The following CELF2 variants were observed in gnomAD, a reference collection of about 807,000 sequenced individuals.
CELF2 encodes CUGBP Elav-like family member 2, also known as CUG triplet repeat RNA-binding protein 2.
In CELF2, 8 loss-of-function variants were observed where a neutral mutation model predicts 62.6. The ratio of observed to expected loss-of-function variants is 0.13; its 90% CI spans 0.07 to 0.23. The LOEUF (loss-of-function observed/expected upper bound fraction) is 0.23, where lower values mean the gene tolerates loss of function less well. Ranked by LOEUF, CELF2 falls within the 10% of genes least tolerant of loss-of-function variation. The pLI is 1.00. For missense variants in CELF2, 333 were observed against 671.0 expected (o/e 0.50, Z 5.56); for synonymous variants, 258 against 250.0 (o/e 1.03, Z -0.30).
chr10:10,649,677 G>A, the CELF2 span, among the ~76,000 whole-genome samples: 1 of 152,170 alleles, frequency 6.6e-6, no homozygotes, highest in Non-Finnish European at 1.5e-5. Flanking sequence ...ATTCCCTCAT[G>A]CATCTAGAAG....
chr10:10,633,797 A>AT, the CELF2 span, among the ~76,000 whole-genome samples: 6 of 151,842 alleles, frequency 4.0e-5, no homozygotes, highest in Admixed American at 1.3e-4. Context: ...GTACTGATAT[A>AT]TTTTTTGTGA....
At chr10:10,596,266 A>T in the CELF2 span, among the ~76,000 whole-genome samples, 1 of 152,216 alleles carries the variant, frequency 6.6e-6, no homozygotes, top group South Asian at 2.1e-4. Flanking sequence ...TAAAAAAAAA[A>T]AAAAATAGCA....
At chr10:10,707,761 TGCGTGCCTGAGATCC>T in the CELF2 span, among the ~76,000 whole-genome samples, 1 of 152,174 alleles carries the variant, frequency 6.6e-6, no homozygotes, top group African/African-American at 2.4e-5. Context: ...TAACAGGCAT[TGCGTGCCTGAGATCC>T]TATAAACTAT....
At chr10:10,675,969 T>C in the CELF2 span, among the ~76,000 whole-genome samples, 1 of 152,256 alleles carries the variant, frequency 6.6e-6, no homozygotes, top group African/African-American at 2.4e-5. Flanking sequence ...TAATGCTTGC[T>C]GTATCTCTTC....
rs1237927879 is a variant in CELF2 at position 11,302,342 on chromosome 10, G to A, written c.977-11797G>A. On this transcript the variant is annotated intron_variant, in intron 9 of 12. Coordinates refer to ENST00000633077, the MANE Select transcript of CELF2 (RefSeq NM_001326342.2). The surrounding 1 kb of genome is among the most constrained non-coding windows in gnomAD (Gnocchi z 5.0). ...TCTAATGTTTGCATGCAAAAGCAGC[G>A]CCGAGGGCTGGTTCAACTCAGATGC... Among the ~76,000 whole-genome samples, 1 of 152,180 alleles carries A rather than the reference G, an allele frequency of 6.6e-6. No individual in the cohort carries two copies. The highest frequency in any genetic ancestry group is 2.4e-5 in the African/African-American group (1 of 41,444).
upstream of CELF2, chr10:11,005,200 T>A: frequency 6.9e-7 from 1 of 1,453,620 alleles, no homozygotes; most frequent in Non-Finnish European, 9.0e-7. This position sits in a 1 kb window ranked among gnomAD's most constrained non-coding sequence, Gnocchi z 4.3. Flanking sequence ...AGGAGCCCCC[T>A]TGCTCTACTA....
chr10:11,168,370 G>T (rs1238423228), intron 2 of CELF2, among the ~76,000 whole-genome samples: 1 of 152,220 alleles, frequency 6.6e-6, no homozygotes, highest in Non-Finnish European at 1.5e-5. Flanking sequence ...TATTTGTTGT[G>T]ATGGGATTTG....
intron 1 of CELF2, among the ~76,000 whole-genome samples, chr10:11,121,277 C>G (rs2057687853): frequency 6.6e-6 from 1 of 152,154 alleles, no homozygotes; most frequent in African/African-American, 2.4e-5. Flanking sequence ...GCTAGCCAGT[C>G]TCTGTGGGCT....
chr10:11,119,196 C>T (rs116163092), intron 1 of CELF2, among the ~76,000 whole-genome samples: 8,442 of 152,136 alleles, frequency 0.055, 268 homozygotes, highest in Middle Eastern at 0.065. Flanking sequence ...CATTTTTTTT[C>T]CCCTTAAACT....
chr10:10,507,143 C>T, the CELF2 span, among the ~76,000 whole-genome samples: 4 of 152,122 alleles, frequency 2.6e-5, no homozygotes, highest in Non-Finnish European at 2.9e-5. Context: ...TTCAATGTAA[C>T]GTTGACATGA....
chr10:11,165,564 C>T lies in CELF2; in HGVS notation c.153C>T (p.Val51=), dbSNP rs780416243. The change falls in exon 2 of 13, where the codon GTC becomes GTT. Residue 51 remains valine (V), a synonymous_variant. Coordinates refer to ENST00000633077, the MANE Select transcript of CELF2 (RefSeq NM_001326342.2). The surrounding 1 kb of genome is among the most constrained non-coding windows in gnomAD (Gnocchi z 7.4). The part of the protein sequence containing the change: ...QPDPDAIKMF[V]GQIPRSWSEK... ...ACCCAGATGCCATTAAGATGTTTGTCGGACAGATCCCCCGGTCATGGTCGG... is the reference window on the plus strand; with the variant it reads ...ACCCAGATGCCATTAAGATGTTTGTTGGACAGATCCCCCGGTCATGGTCGG... 5.1e-5 allele frequency: 83 copies of T among 1,614,086 alleles called. No individual in the cohort carries two copies. The highest frequency in any genetic ancestry group is 6.5e-5 in the Non-Finnish European group (77 of 1,180,056).
the CELF2 span, among the ~76,000 whole-genome samples, chr10:10,767,990 C>T: frequency 4.3e-5 from 4 of 93,866 alleles, no homozygotes; most frequent in Non-Finnish European, 8.1e-5. Context: ...AGCGAGACTC[C>T]GTCTCAAAAA....
chr10:10,826,963 T>G (rs1045337790), intron 1 of CELF2, among the ~76,000 whole-genome samples: 1 of 152,150 alleles, frequency 6.6e-6, no homozygotes, highest in African/African-American at 2.4e-5. Context: ...GGGAATAAAA[T>G]GCAGTGTTGT....
At chr10:10,580,556 C>T in the CELF2 span, among the ~76,000 whole-genome samples, 1 of 152,156 alleles carries the variant, frequency 6.6e-6, no homozygotes, top group African/African-American at 2.4e-5. Context: ...TGACCTTCGG[C>T]AAGCTCCTTC....
At chr10:10,976,690 T>G (rs576637857) in intron 2 of CELF2, among the ~76,000 whole-genome samples, 144 of 152,286 alleles carry the variant, frequency 9.5e-4, no homozygotes, top group Non-Finnish European at 1.6e-3. Context: ...GCTTATAAAG[T>G]ATTGATGATC....
chr10:11,001,414 A>T (rs971694365), upstream of CELF2, among the ~76,000 whole-genome samples: 3 of 152,220 alleles, frequency 2.0e-5, no homozygotes, highest in Non-Finnish European at 4.4e-5. Context: ...ACTTTCTATT[A>T]CTTTTGCAAT....
chr10:10,727,616 A>T, the CELF2 span, among the ~76,000 whole-genome samples: 3 of 152,006 alleles, frequency 2.0e-5, no homozygotes, highest in Non-Finnish European at 2.9e-5. Flanking sequence ...CTCTACCAAA[A>T]GTACAAAAAA....
chr10:10,513,205 G>GT, the CELF2 span, among the ~76,000 whole-genome samples: 109 of 151,840 alleles, frequency 7.2e-4, no homozygotes, highest in African/African-American at 2.1e-3. Context: ...CTTTTTTGTT[G>GT]TTTTTTTTAT....
chr10:10,921,874 G>A (rs1010959759), intron 2 of CELF2, among the ~76,000 whole-genome samples: 4 of 152,176 alleles, frequency 2.6e-5, no homozygotes, highest in East Asian at 1.9e-4. Context: ...AGTTTTTGAA[G>A]GTACTCGATA....
Sources: gnomAD v4.1 joint callset for allele counts (sites outside exome capture counted in the v4.1 genomes callset) on GRCh38, gnomAD v4.1.1 for gene constraint, Gnocchi (gnomAD v3.1) non-coding constraint, MANE v1.5 for transcripts, NCBI Gene and HGNC (gene_info 2026-07-23, HGNC 2026-07-21) for gene names.